B3GALT1: variants seen among roughly 807,000 people sequenced by gnomAD.
B3GALT1 encodes the protein beta-1,3-galactosyltransferase 1.
A neutral mutation model predicts 23.2 loss-of-function variants in B3GALT1; 10 were observed. The observed-to-expected ratio is 0.43, with a 90% CI of 0.27 to 0.73. The LOEUF is 0.73. Among genes scored for constraint, B3GALT1 ranks in the 30% least tolerant of loss-of-function variants. The probability of loss-of-function intolerance (pLI) is 0.21; values close to 1 mark genes in which losing one functional copy is unlikely to be tolerated. For synonymous variants in B3GALT1, 156 were observed against 141.5 expected, an observed-to-expected ratio of 1.10 and a Z score of -0.73; for missense variants, 299 against 405.4, an observed-to-expected ratio of 0.74 and a Z score of 2.25.
At chr2:167,749,588 C>T (rs1687701960) in intron 3 of B3GALT1, among the ~76,000 whole-genome samples, 1 of 152,166 alleles carries the variant, frequency 6.6e-6, no homozygotes, top group African/African-American at 2.4e-5. Flanking sequence ...CCTGAGGGAT[C>T]AACTTTTAAT....
chr2:167,600,301 G>A (rs1684852380), intron 2 of B3GALT1, among the ~76,000 whole-genome samples: 1 of 152,136 alleles, frequency 6.6e-6, no homozygotes, highest in African/African-American at 2.4e-5. Flanking sequence ...GTCTAGCAAA[G>A]TATTAAGGTT....
At chr2:167,462,932 A>G (rs1387082202) in intron 1 of B3GALT1, among the ~76,000 whole-genome samples, 2 of 152,190 alleles carry the variant, frequency 1.3e-5, no homozygotes, top group African/African-American at 2.4e-5. Flanking sequence ...GGTAAGTGCC[A>G]TATAAATTTG....
chr2:167,692,338 A>G (rs1454725745), intron 3 of B3GALT1, among the ~76,000 whole-genome samples: 1 of 152,122 alleles, frequency 6.6e-6, no homozygotes, highest in African/African-American at 2.4e-5. Context: ...CAAGTGAGTC[A>G]GGCATCTTAA....
intron 3 of B3GALT1, among the ~76,000 whole-genome samples, chr2:167,782,322 C>T (rs1419958747): frequency 1.3e-5 from 2 of 152,252 alleles, no homozygotes; most frequent in Non-Finnish European, 2.9e-5. Flanking sequence ...CTGCATGGGT[C>T]TGGGTGGGTG....
intron 3 of B3GALT1, among the ~76,000 whole-genome samples, chr2:167,669,882 G>T (rs1013957754): frequency 1.3e-5 from 2 of 152,102 alleles, no homozygotes; most frequent in South Asian, 4.1e-4. Flanking sequence ...ACACTGAGGG[G>T]ATAAACACAG....
At chr2:167,560,642 C>T (rs910818973) in intron 2 of B3GALT1, among the ~76,000 whole-genome samples, 3 of 151,458 alleles carry the variant, frequency 2.0e-5, no homozygotes, top group Admixed American at 2.0e-4. Context: ...CAAAAAAAGG[C>T]AGGGGTTGCA....
chr2:167,613,125 C>CA (rs1685099918), intron 2 of B3GALT1, among the ~76,000 whole-genome samples: 2 of 151,912 alleles, frequency 1.3e-5, no homozygotes, highest in South Asian at 4.1e-4. Context: ...AGGGCTAGCA[C>CA]ACTTTACAAA....
intron 1 of B3GALT1, among the ~76,000 whole-genome samples, chr2:167,352,636 G>T (rs1475748498): frequency 6.6e-6 from 1 of 151,776 alleles, no homozygotes. Context: ...CAGGAGAATG[G>T]CATGAACCTG....
At chr2:167,775,336 C>T (rs1234943076) in intron 3 of B3GALT1, among the ~76,000 whole-genome samples, 2 of 152,084 alleles carry the variant, frequency 1.3e-5, no homozygotes, top group South Asian at 2.1e-4. Context: ...TTTGGGAGGC[C>T]GAGGTGGGTG....
chr2:167,699,378 C>CTTTTTTT (rs1285786645), intron 3 of B3GALT1, among the ~76,000 whole-genome samples: 48 of 78,618 alleles, frequency 6.1e-4, no homozygotes, highest in East Asian at 3.8e-3. Context: ...GCCATTATTT[C>CTTTTTTT]TATTTTTTTT....
At chr2:167,469,324 T>C (rs999223352) in intron 1 of B3GALT1, among the ~76,000 whole-genome samples, 4 of 152,212 alleles carry the variant, frequency 2.6e-5, no homozygotes, top group African/African-American at 7.2e-5. Flanking sequence ...ATCTGCTTTA[T>C]GGGATTATTA....
rs1574300375 is a variant in B3GALT1, at chr2:167,849,549, T to TACTC, written c.-229-19260_-229-19257dup. 2.6e-5 allele frequency among the ~76,000 whole-genome samples: 4 copies of TACTC among 152,136 alleles called. No homozygotes were observed. In the East Asian group the frequency reaches 7.7e-4, roughly 29 times the overall value. On this transcript the variant is annotated intron_variant, in intron 4 of 4. Coordinates refer to ENST00000392690, the MANE Select transcript of B3GALT1 (RefSeq NM_020981.4). Reference sequence around the variant, plus strand: ...CCACATGTAGGAAAACAAAACTGGATACTCATCTCTCACCTTATACAAAAA... The same window carrying TACTC: ...CCACATGTAGGAAAACAAAACTGGATACTCACTCATCTCTCACCTTATACAAAAA...
chr2:167,624,688 T>C (rs1476036281), intron 2 of B3GALT1, among the ~76,000 whole-genome samples: 1 of 152,014 alleles, frequency 6.6e-6, no homozygotes, highest in Admixed American at 6.6e-5. Flanking sequence ...CTGATTTAAA[T>C]AGGTGGGATT....
At chr2:167,756,178 C>G (rs1276589336) in intron 3 of B3GALT1, among the ~76,000 whole-genome samples, 2 of 152,110 alleles carry the variant, frequency 1.3e-5, no homozygotes, top group East Asian at 1.9e-4. Flanking sequence ...ACCCCGCCCC[C>G]CAGGATGCTT....
chr2:167,563,530 G>A (rs1217793520), intron 2 of B3GALT1, among the ~76,000 whole-genome samples: 3 of 18,266 alleles, frequency 1.6e-4, no homozygotes, highest in Admixed American at 4.0e-4. Context: ...GGCTGGCGGC[G>A]GGGGGCTGAC....
intron 3 of B3GALT1, among the ~76,000 whole-genome samples, chr2:167,781,566 CA>C (rs892023410): frequency 6.6e-5 from 10 of 152,122 alleles, no homozygotes; most frequent in African/African-American, 2.4e-4. Context: ...ATTAAAAAAT[CA>C]AAACGATTTT....
chr2:167,708,125 T>C (rs72876820), intron 3 of B3GALT1, among the ~76,000 whole-genome samples: 15,908 of 152,256 alleles, frequency 0.1, 1,026 homozygotes, highest in Middle Eastern at 0.19. Flanking sequence ...TGCTCTGTAC[T>C]ACATCTCACT....
chr2:167,523,142 C>T (rs993965770), intron 2 of B3GALT1, among the ~76,000 whole-genome samples: 6 of 152,080 alleles, frequency 3.9e-5, no homozygotes, highest in Non-Finnish European at 8.8e-5. Context: ...ATTCTAGTCT[C>T]GATTTTATTT....
chr2:167,616,471 G>C lies in B3GALT1; in HGVS notation c.-409-30438G>C, dbSNP rs370260368. Among the ~76,000 whole-genome samples the C allele has an allele frequency of 3.9e-5, 6 of 152,046 alleles. No individual in the cohort carries two copies. In the East Asian group the frequency reaches 1.2e-3, roughly 29 times the overall value. ...TAATCCCAGCACTTTGGGAGGCCAA[G>C]GTGGATGATCACTTGAGGTCAGGAG... On this transcript the variant is annotated intron_variant, in intron 2 of 4. Transcript: ENST00000392690.
Sources: gnomAD v4.1 joint callset for allele counts (sites outside exome capture counted in the v4.1 genomes callset) on GRCh38, gnomAD v4.1.1 for gene constraint, MANE v1.5 for transcripts, NCBI Gene and HGNC (gene_info 2026-07-23, HGNC 2026-07-21) for gene names.